The following ADCK1 variants were observed in gnomAD, a reference collection of about 807,000 sequenced individuals.
ADCK1 encodes aarF domain-containing protein kinase 1.
In ADCK1, 41 loss-of-function variants were observed where a neutral mutation model predicts 52.3. The observed-to-expected ratio is 0.78, with a 90% confidence interval of 0.61 to 1.02. ADCK1 has a LOEUF of 1.02. Among genes scored for constraint, ADCK1 ranks in the 50% least tolerant of loss-of-function variants. ADCK1 has a pLI of 0.00. For missense variants in ADCK1, 658 were observed against 679.5 expected (o/e 0.97, Z 0.35); for synonymous variants, 250 against 274.6 (o/e 0.91, Z 0.89).
Position 77,852,883 on chromosome 14 carries a change from GTA to G in ADCK1, c.220-6169_220-6168del, listed in dbSNP as rs1287274541. On this transcript the variant is annotated intron_variant, in intron 3 of 10. Transcript: ENST00000238561. ...TCAAGTTCACTAATCTTTTATGTGT[GTA>G]TATATATATATATATATATATATTT... Among the ~76,000 whole-genome samples, 33 of 18,520 alleles carry G rather than the reference GTA, an allele frequency of 1.8e-3. 1 individual carries two copies. The highest frequency in any genetic ancestry group is 5.0e-3 in the African/African-American group (21 of 4,200). 12.1% of individuals were successfully genotyped at this position (18,520 alleles called of 152,430 possible).
intron 6 of ADCK1, among the ~76,000 whole-genome samples, chr14:77,903,877 C>CT (rs1326327552): frequency 6.6e-6 from 1 of 152,094 alleles, no homozygotes; most frequent in Non-Finnish European, 1.5e-5. Context: ...TATATAACTT[C>CT]TTTTTTGCAG....
At chr14:77,924,236 T>G (rs1446426375) in intron 7 of ADCK1, 5 of 571,808 alleles carry the variant, frequency 8.7e-6, no homozygotes, top group African/African-American at 7.5e-5. Context: ...TGGTGCCTTG[T>G]ACCGCCCACA....
At chr14:77,924,697 G>GC in intron 8 of ADCK1, 91 bp downstream of exon 8, 1 of 1,524,346 alleles carries the variant, frequency 6.6e-7, no homozygotes, top group Non-Finnish European at 8.8e-7. Context: ...GAGGGAGATA[G>GC]CGAGGGTAGC....
chr14:77,928,227 G>A (rs2140300703), intron 9 of ADCK1, among the ~76,000 whole-genome samples: 2 of 152,238 alleles, frequency 1.3e-5, no homozygotes, highest in Admixed American at 1.3e-4. Flanking sequence ...TCCTGTCGTA[G>A]GGAAGACTGG....
In ADCK1 at chr14:77,931,016, G is replaced by A. The variant is rs184105643; in HGVS notation, c.1207-502G>A. 1.1e-4 allele frequency among the ~76,000 whole-genome samples: 17 copies of A among 152,324 alleles called. No individual in the cohort carries two copies. In the East Asian group the frequency reaches 2.5e-3, roughly 23 times the overall value. ...CAGGGCATCAGACCTTGGGCCACAG[G>A]TGGGATGAGACTGGCTCTCATGCGA... On this transcript the variant is annotated intron_variant, in intron 9 of 10. Transcript: ENST00000238561.
At position 77,909,002 on chromosome 14, in the gene ADCK1, G is replaced by A. The variant is rs193038611; in HGVS notation, c.858+1083G>A. On this transcript the variant is annotated intron_variant, in intron 7 of 10. Transcript: ENST00000238561. ...TCCTTGGGGTGTGTGGGGAGATAAAGTAATGGTCTTGGGTGTGACCTTGAG... is the reference window on the plus strand; with the variant it reads ...TCCTTGGGGTGTGTGGGGAGATAAAATAATGGTCTTGGGTGTGACCTTGAG... Among the ~76,000 whole-genome samples, 90 of 152,120 alleles carry A rather than the reference G, an allele frequency of 5.9e-4. No individual in the cohort carries two copies. The East Asian group carries it at 0.017, about 28-fold the overall frequency.
chr14:77,899,202 G>GA lies in ADCK1; in HGVS notation c.687dup (p.Gly230ArgfsTer5), dbSNP rs754394540. Reference sequence around the variant, plus strand: ...GCCTTTGGAGCTGGATTTCCTCAATGAAGGGAGGAATGCTGAGAAGGTGTC... The same window carrying GA: ...GCCTTTGGAGCTGGATTTCCTCAATGAAAGGGAGGAATGCTGAGAAGGTGTC... On this transcript the variant is annotated frameshift_variant, in exon 6 of 11. Coordinates refer to ENST00000238561, the MANE Select transcript of ADCK1 (RefSeq NM_020421.4). LOFTEE classifies it high-confidence loss of function. 14 of 1,614,076 alleles carry GA rather than the reference G, an allele frequency of 8.7e-6. No individual in the cohort carries two copies. In the South Asian group the frequency reaches 1.5e-4, roughly 18 times the overall value.
At chr14:77,808,085 G>T (rs994654946) in intron 1 of ADCK1, among the ~76,000 whole-genome samples, 1 of 152,198 alleles carries the variant, frequency 6.6e-6, no homozygotes, top group Non-Finnish European at 1.5e-5. Context: ...GGAGAAAAGG[G>T]TGCCCATGAG....
At chr14:77,883,668 G>T (rs1436850511) in intron 4 of ADCK1, among the ~76,000 whole-genome samples, 1 of 152,156 alleles carries the variant, frequency 6.6e-6, no homozygotes, top group African/African-American at 2.4e-5. Context: ...CTTCCTGATA[G>T]AGAAGGAAAA....
intron 4 of ADCK1, among the ~76,000 whole-genome samples, chr14:77,877,896 T>G (rs897336268): frequency 2.6e-5 from 4 of 152,194 alleles, no homozygotes; most frequent in Non-Finnish European, 4.4e-5. Flanking sequence ...GTTGAGACAC[T>G]GCACCTGGCC....
intron 4 of ADCK1, among the ~76,000 whole-genome samples, chr14:77,863,769 G>A (rs2082603153): frequency 6.6e-6 from 1 of 152,018 alleles, no homozygotes; most frequent in Non-Finnish European, 1.5e-5. Context: ...CCCAGGAGGC[G>A]GAGGTTGCAG....
rs1314539294 is a variant in ADCK1 at position 77,830,144 on chromosome 14, C to CT, written c.219+7638dup. ...TAAAGTTATTGCATCATTAAATTTTCTTTTTTTTTTTTAGACAGGGTCTCG... is the reference window on the plus strand; with the variant it reads ...TAAAGTTATTGCATCATTAAATTTTCTTTTTTTTTTTTTAGACAGGGTCTCG... On this transcript the variant is annotated intron_variant, in intron 3 of 10. Transcript: ENST00000238561. Among the ~76,000 whole-genome samples, 66 of 142,790 alleles carry CT rather than the reference C, an allele frequency of 4.6e-4. 1 individual carries two copies. Among genetic ancestry groups the CT allele is most frequent in the South Asian group, 4.5e-4 (2 of 4,444 alleles). 93.7% of individuals were successfully genotyped at this position (142,790 alleles called of 152,430 possible).
intron 1 of ADCK1, among the ~76,000 whole-genome samples, chr14:77,816,770 C>T (rs2140021991): frequency 6.6e-6 from 1 of 151,382 alleles, no homozygotes; most frequent in East Asian, 2.0e-4. Context: ...GTCAGAAGTT[C>T]CAGAGACCTG....
chr14:77,907,961 G>A, intron 7 of ADCK1, 42 bp downstream of exon 7: 1 of 1,580,706 alleles, frequency 6.3e-7, no homozygotes, highest in Non-Finnish European at 8.7e-7. Flanking sequence ...GGGAACGTGG[G>A]CTTGGTCAAG....
At chr14:77,925,421 A>G (rs2084167186) in intron 8 of ADCK1, among the ~76,000 whole-genome samples, 1 of 152,238 alleles carries the variant, frequency 6.6e-6, no homozygotes. Flanking sequence ...TCTGTGGGCC[A>G]GGCCTGGAAG....
chr14:77,821,763 C>T (rs189277592), intron 2 of ADCK1, among the ~76,000 whole-genome samples: 78 of 151,422 alleles, frequency 5.2e-4, no homozygotes, highest in Non-Finnish European at 1.5e-5. Context: ...TGTGTATAAT[C>T]CCAGCTACTT....
chr14:77,850,369 G>A (rs1423991334), intron 3 of ADCK1, among the ~76,000 whole-genome samples: 1 of 152,092 alleles, frequency 6.6e-6, no homozygotes, highest in East Asian at 1.9e-4. Flanking sequence ...CTATCTATTT[G>A]TTATATCATG....
chr14:77,859,310 G>A, intron 4 of ADCK1, 31 bp downstream of exon 4: 1 of 1,596,122 alleles, frequency 6.3e-7, no homozygotes, highest in East Asian at 2.3e-5. Flanking sequence ...GATGGGCCTT[G>A]GTTGGGATGC....
At chr14:77,914,452 T>A in intron 7 of ADCK1, 1 of 985,436 alleles carries the variant, frequency 1.0e-6, no homozygotes, top group Non-Finnish European at 1.2e-6. Flanking sequence ...AGCGAAAAGG[T>A]CTCACATTTG....
Sources: allele counts gnomAD v4.1 joint callset (sites outside exome capture counted in the v4.1 genomes callset), GRCh38; gene constraint gnomAD v4.1.1; transcripts MANE v1.5; gene names NCBI Gene and HGNC (gene_info 2026-07-23, HGNC 2026-07-21).